HEPHL1: variants seen among roughly 807,000 people sequenced by gnomAD.
The protein encoded by HEPHL1 is ferroxidase HEPHL1.
HEPHL1 carries 123 observed loss-of-function variants against 122.0 expected under a neutral mutation model. The observed-to-expected ratio is 1.01, with a 90% confidence interval of 0.87 to 1.17. HEPHL1 has a LOEUF of 1.17. HEPHL1 is among the 50% of genes most tolerant of loss of function. HEPHL1 has a pLI of 0.00. For synonymous variants in HEPHL1, 527 were observed against 508.9 expected, an observed-to-expected ratio of 1.04 and a Z score of -0.48; for missense variants, 1,452 against 1,430.5, an observed-to-expected ratio of 1.01 and a Z score of -0.24.
At chr11:94,068,353 G>C (rs1946050851) in intron 5 of HEPHL1, among the ~76,000 whole-genome samples, 2 of 152,154 alleles carry the variant, frequency 1.3e-5, no homozygotes, top group Admixed American at 1.3e-4. Context: ...AGTTATAGCA[G>C]CTCATCTCAT....
At chr11:94,063,437 C>G (rs746494537) in intron 2 of HEPHL1, 71 bp from the exon 3 acceptor site, 183 of 1,226,846 alleles carry the variant, frequency 1.5e-4, no homozygotes, top group Middle Eastern at 4.7e-4. Context: ...CTCTGGCCCT[C>G]TCTACTATAG....
intron 5 of HEPHL1, among the ~76,000 whole-genome samples, 175 bp downstream of exon 5, chr11:94,067,925 ATATT>A (rs1175232097): frequency 6.6e-6 from 1 of 152,212 alleles, no homozygotes; most frequent in African/African-American, 2.4e-5. Context: ...CTATCAACAG[ATATT>A]TATTGACCAC....
chr11:94,050,651 C>T (rs889635827), intron 2 of HEPHL1, among the ~76,000 whole-genome samples: 1 of 152,050 alleles, frequency 6.6e-6, no homozygotes, highest in African/African-American at 2.4e-5. Context: ...AGCATTTATC[C>T]TTTGTGTTTC....
chr11:94,089,056 A>C, intron 12 of HEPHL1, 88 bp downstream of exon 12: 1 of 1,193,724 alleles, frequency 8.4e-7, no homozygotes, highest in Non-Finnish European at 1.2e-6. Context: ...GCAAATTCCC[A>C]GGTTGTGTCT....
At chr11:94,054,087 G>T (rs1945914620) in intron 2 of HEPHL1, among the ~76,000 whole-genome samples, 1 of 152,144 alleles carries the variant, frequency 6.6e-6, no homozygotes, top group African/African-American at 2.4e-5. Context: ...TTGTCTATTT[G>T]TTCTTTTTTT....
intron 1 of HEPHL1, among the ~76,000 whole-genome samples, chr11:94,026,485 C>A (rs960647857): frequency 1.3e-5 from 2 of 152,214 alleles, no homozygotes; most frequent in African/African-American, 4.8e-5. Flanking sequence ...CTCCTGTTTT[C>A]CATGATTCAC....
At chr11:94,085,839 G>T in intron 10 of HEPHL1, 138 bp from the exon 11 acceptor site, 1 of 614,744 alleles carries the variant, frequency 1.6e-6, no homozygotes. Flanking sequence ...TCCATTTTAA[G>T]TGGATTCACC....
intron 2 of HEPHL1, among the ~76,000 whole-genome samples, chr11:94,051,015 G>T (rs7945945): frequency 0.5 from 76,658 of 151,902 alleles, 20,140 homozygotes; most frequent in South Asian, 0.61. Flanking sequence ...GTACTCCATT[G>T]TGTATATGTA....
intron 2 of HEPHL1, among the ~76,000 whole-genome samples, chr11:94,056,514 C>G (rs992492293): frequency 6.6e-5 from 10 of 152,026 alleles, no homozygotes; most frequent in African/African-American, 1.2e-4. Flanking sequence ...GCCTATATAT[C>G]ATTGAGTTAT....
chr11:94,021,954 A>G (rs1034160388), intron 1 of HEPHL1, among the ~76,000 whole-genome samples: 4 of 152,232 alleles, frequency 2.6e-5, no homozygotes, highest in Admixed American at 6.5e-5. Context: ...ATGAAACATC[A>G]TAATGGGAGA....
intron 1 of HEPHL1, among the ~76,000 whole-genome samples, chr11:94,023,193 T>C (rs1302204900): frequency 6.6e-6 from 1 of 152,208 alleles, no homozygotes; most frequent in Non-Finnish European, 1.5e-5. Context: ...CCACAGCCCA[T>C]ATTTCTTTTC....
intron 13 of HEPHL1, among the ~76,000 whole-genome samples, chr11:94,100,041 C>T (rs553294246): frequency 7.9e-5 from 12 of 152,220 alleles, no homozygotes; most frequent in African/African-American, 2.4e-4. Flanking sequence ...TCTGACAAGC[C>T]GCAGTGAGAT....
Position 94,106,047 on chromosome 11 carries a change from A to T in HEPHL1, c.2962A>T (p.Met988Leu), listed in dbSNP as rs1416775566. Residue 988 changes from methionine (M) to leucine (L), a missense_variant, in exon 17 of 20, where the codon ATG becomes TTG. Transcript: ENST00000315765. ...TGGCCTCATAATGAACGAAGATACA[A>T]TGACAAACTGGTATTTGTTAGGGAT... The part of the protein sequence containing the change: ...LHGLIMNEDT[M>L]TNWYLLGIGS... 6.2e-7 allele frequency: 1 copy of T among 1,601,842 alleles called. No homozygotes were observed. Among genetic ancestry groups the T allele is most frequent in the Non-Finnish European group, 8.5e-7 (1 of 1,171,640 alleles).
chr11:94,073,013 A>G lies in HEPHL1; in HGVS notation c.1233-12A>G, dbSNP rs749893812. Reference sequence around the variant, plus strand: ...GAGAAGTGTCCTCAATCACATTCCTATGTCTTTTCAGTGACTCTGATCTCT... The same window carrying G: ...GAGAAGTGTCCTCAATCACATTCCTGTGTCTTTTCAGTGACTCTGATCTCT... On this transcript the variant is annotated splice_polypyrimidine_tract_variant and intron_variant, in intron 6 of 19. Coordinates refer to ENST00000315765, the MANE Select transcript of HEPHL1 (RefSeq NM_001098672.2). 20 of 1,608,436 alleles carry G rather than the reference A, an allele frequency of 1.2e-5. No individual in the cohort carries two copies. The highest frequency in any genetic ancestry group is 1.7e-5 in the Non-Finnish European group (20 of 1,177,408).
At chr11:94,025,793 G>T (rs1440229206) in intron 1 of HEPHL1, among the ~76,000 whole-genome samples, 1 of 152,152 alleles carries the variant, frequency 6.6e-6, no homozygotes, top group Non-Finnish European at 1.5e-5. Flanking sequence ...TTGAAATAAA[G>T]AAAAGAATAT....
intron 1 of HEPHL1, among the ~76,000 whole-genome samples, chr11:94,043,738 C>A (rs141858792): frequency 6.6e-6 from 1 of 151,568 alleles, no homozygotes; most frequent in Non-Finnish European, 1.5e-5. Context: ...CTTCATTGTT[C>A]GAGAGTATAC....
At chr11:94,071,945 T>C (rs925307088) in intron 6 of HEPHL1, among the ~76,000 whole-genome samples, 3 of 152,148 alleles carry the variant, frequency 2.0e-5, no homozygotes, top group Non-Finnish European at 2.9e-5. Flanking sequence ...GAATGGGCAC[T>C]GGCATGGAGA....
At chr11:94,089,930 G>A (rs1175792089) in intron 12 of HEPHL1, among the ~76,000 whole-genome samples, 9 of 151,480 alleles carry the variant, frequency 5.9e-5, no homozygotes, top group Admixed American at 5.9e-4. Flanking sequence ...ACCTACCCTC[G>A]CCCCCTGCCA....
intron 1 of HEPHL1, among the ~76,000 whole-genome samples, chr11:94,035,811 A>C (rs1416603707): frequency 6.6e-6 from 1 of 152,132 alleles, no homozygotes; most frequent in African/African-American, 2.4e-5. Flanking sequence ...ATCTCGGCTC[A>C]CTGCAAGCTC....
Sources: allele counts gnomAD v4.1 joint callset (sites outside exome capture counted in the v4.1 genomes callset), GRCh38; gene constraint gnomAD v4.1.1; transcripts MANE v1.5; gene names NCBI Gene and HGNC (gene_info 2026-07-23, HGNC 2026-07-21).